MROH9: variants seen among roughly 807,000 people sequenced by gnomAD.
MROH9 encodes the protein maestro heat-like repeat-containing protein family member 9.
A neutral mutation model predicts 98.2 loss-of-function variants in MROH9; 92 were observed. The observed-to-expected ratio is 0.94, with a 90% CI of 0.79 to 1.11. MROH9 has a LOEUF of 1.11. Among genes scored for constraint, MROH9 ranks in the 50% most tolerant of loss-of-function variants. MROH9 has a pLI of 0.00. For missense variants in MROH9, 1,057 were observed against 1,014.8 expected, an observed-to-expected ratio of 1.04 and a Z score of -0.57; for synonymous variants, 397 against 368.9, an observed-to-expected ratio of 1.08 and a Z score of -0.87.
At chr1:171,023,168 T>C (rs1044594529) in intron 17 of MROH9, among the ~76,000 whole-genome samples, 3 of 152,200 alleles carry the variant, frequency 2.0e-5, no homozygotes, top group African/African-American at 7.2e-5. Flanking sequence ...TGCAGTGAGC[T>C]ATGATCCTGC....
At chr1:170,941,603 T>C (rs1283277953) in intron 1 of MROH9, among the ~76,000 whole-genome samples, 2 of 152,202 alleles carry the variant, frequency 1.3e-5, no homozygotes, top group Non-Finnish European at 2.9e-5. Flanking sequence ...TGCACTCATC[T>C]TTCCATTGGC....
intron 1 of MROH9, among the ~76,000 whole-genome samples, chr1:170,942,418 G>T (rs1325282227): frequency 6.7e-6 from 1 of 149,458 alleles, no homozygotes; most frequent in Non-Finnish European, 1.5e-5. Context: ...CACCCTCAGA[G>T]AATACCGATA....
intron 8 of MROH9, 117 bp downstream of exon 8, chr1:170,972,000 C>A: frequency 9.4e-7 from 1 of 1,067,006 alleles, no homozygotes; most frequent in Non-Finnish European, 1.3e-6. Context: ...CCCCAAGAGT[C>A]ATGGCTATAC....
At chr1:170,974,822 C>G (rs1157607964) in intron 8 of MROH9, among the ~76,000 whole-genome samples, 2 of 151,554 alleles carry the variant, frequency 1.3e-5, no homozygotes, top group Non-Finnish European at 2.9e-5. Context: ...AAGATAATAA[C>G]AAAAGTAAAA....
intron 15 of MROH9, among the ~76,000 whole-genome samples, chr1:170,999,214 C>A (rs1235876153): frequency 6.6e-6 from 1 of 152,010 alleles, no homozygotes; most frequent in Non-Finnish European, 1.5e-5. Context: ...TATTTGGTTA[C>A]ATGAGTAAAT....
chr1:170,997,417 A>C (rs1321505908), intron 14 of MROH9, among the ~76,000 whole-genome samples: 1 of 152,134 alleles, frequency 6.6e-6, no homozygotes, highest in African/African-American at 2.4e-5. Flanking sequence ...GGGTCCACAG[A>C]CAAGCAGCAA....
chr1:170,994,773 A>G (rs548607902), intron 12 of MROH9, among the ~76,000 whole-genome samples: 1 of 152,212 alleles, frequency 6.6e-6, no homozygotes, highest in East Asian at 1.9e-4. Flanking sequence ...CTGGTAACCA[A>G]TAAATCTCAT....
intron 8 of MROH9, among the ~76,000 whole-genome samples, chr1:170,982,660 C>T (rs1404695272): frequency 2.0e-5 from 3 of 152,180 alleles, no homozygotes; most frequent in African/African-American, 4.8e-5. Context: ...GAGGCCTGGG[C>T]GGGCAGATTA....
At chr1:170,988,106 A>G (rs903449705) in intron 10 of MROH9, among the ~76,000 whole-genome samples, 4 of 152,170 alleles carry the variant, frequency 2.6e-5, no homozygotes, top group African/African-American at 9.7e-5. Context: ...AAATTGTTTA[A>G]AAGTTCAAGG....
At chr1:170,977,340 C>T (rs1271745138) in intron 8 of MROH9, among the ~76,000 whole-genome samples, 3 of 152,214 alleles carry the variant, frequency 2.0e-5, no homozygotes, top group African/African-American at 7.2e-5. Flanking sequence ...CATTCTTTCT[C>T]AGTTCGGCAT....
At chr1:170,939,263 A>G (rs1159267871) in intron 1 of MROH9, among the ~76,000 whole-genome samples, 1 of 152,242 alleles carries the variant, frequency 6.6e-6, no homozygotes, top group Non-Finnish European at 1.5e-5. Flanking sequence ...ATCAGTATAT[A>G]ATCACACATC....
chr1:170,983,281 T>G (rs975660190), intron 8 of MROH9, 141 bp from the exon 9 acceptor site: 1 of 599,820 alleles, frequency 1.7e-6, no homozygotes, highest in African/African-American at 1.9e-5. Flanking sequence ...TTTATGAGAC[T>G]AAACTATGAG....
chr1:171,008,455 T>C (rs1418508674), intron 15 of MROH9, among the ~76,000 whole-genome samples: 7 of 152,256 alleles, frequency 4.6e-5, no homozygotes, highest in Admixed American at 4.6e-4. Flanking sequence ...TACATTCAAT[T>C]GTAACAATCA....
chr1:171,045,278 G>C (rs1037773432), intron 20 of MROH9, among the ~76,000 whole-genome samples: 1 of 151,730 alleles, frequency 6.6e-6, no homozygotes, highest in Non-Finnish European at 1.5e-5. Flanking sequence ...GGGATTACAG[G>C]CATGCGCCAC....
chr1:170,940,969 G>A (rs530711649), intron 1 of MROH9, among the ~76,000 whole-genome samples: 44 of 152,110 alleles, frequency 2.9e-4, no homozygotes, highest in South Asian at 2.7e-3. Flanking sequence ...TTCCAATTAC[G>A]CATTCCAGAA....
chr1:171,047,267 C>A (rs996502889), intron 20 of MROH9, among the ~76,000 whole-genome samples: 1 of 152,166 alleles, frequency 6.6e-6, no homozygotes, highest in Non-Finnish European at 1.5e-5. Context: ...CAACCCCTGT[C>A]TCTTTCTCTG....
At chr1:171,018,279 A>G (rs1207954949) in intron 17 of MROH9, among the ~76,000 whole-genome samples, 2 of 152,088 alleles carry the variant, frequency 1.3e-5, no homozygotes, top group Non-Finnish European at 2.9e-5. Context: ...GTGAGCCCCC[A>G]GAAAACTGCA....
chr1:170,970,570 C>T (rs1038677783), intron 7 of MROH9, among the ~76,000 whole-genome samples: 1 of 151,986 alleles, frequency 6.6e-6, no homozygotes, highest in Non-Finnish European at 1.5e-5. Context: ...AGGAGAATAT[C>T]CATGGAAAAA....
intron 6 of MROH9, among the ~76,000 whole-genome samples, chr1:170,962,363 C>T (rs1650046771): frequency 6.6e-6 from 1 of 152,138 alleles, no homozygotes. Context: ...AACTCAGGTG[C>T]TAAAGAAAAT....
Sources: gnomAD v4.1 joint callset for allele counts (sites outside exome capture counted in the v4.1 genomes callset) on GRCh38, gnomAD v4.1.1 for gene constraint, MANE v1.5 for transcripts, NCBI Gene and HGNC (gene_info 2026-07-23, HGNC 2026-07-21) for gene names.